The following CD46 variants were observed in gnomAD, a reference collection of about 807,000 sequenced individuals.
CD46 encodes the protein membrane cofactor protein.
In CD46, 30 loss-of-function variants were observed where a neutral mutation model predicts 53.3. The ratio of observed to expected loss-of-function variants is 0.56; its 90% confidence interval spans 0.42 to 0.76. The LOEUF is 0.76. Among genes scored for constraint, CD46 ranks in the 30% least tolerant of loss-of-function variants. CD46 has a pLI of 0.00. For synonymous variants in CD46, 142 were observed against 152.0 expected (o/e 0.93, Z 0.48); for missense variants, 409 against 463.0 (o/e 0.88, Z 1.07).
At chr1:207,767,949 T>G in intron 7 of CD46, 126 bp downstream of exon 7, 1 of 776,488 alleles carries the variant, frequency 1.3e-6, no homozygotes, top group South Asian at 1.5e-5. Context: ...AGGACATTTG[T>G]ATAGCCATTT....
chr1:207,766,923 G>A, intron 5 of CD46, 90 bp from the exon 6 acceptor site: 8 of 991,016 alleles, frequency 8.1e-6, no homozygotes, highest in Non-Finnish European at 1.3e-5. Context: ...TCCATTCCTT[G>A]TCTCTGTTCA....
chr1:207,793,905 G>T lies in CD46; in HGVS notation c.*428G>T. 2 of 287,646 alleles carry T rather than the reference G, an allele frequency of 7.0e-6. No homozygotes were observed. The highest frequency in any genetic ancestry group is 6.9e-5 in the East Asian group (1 of 14,572). 17.8% of individuals were successfully genotyped at this position (287,646 alleles called of 1,614,324 possible). A position where few individuals can be genotyped will look rare whatever the true frequency, so the allele number is the denominator to read the frequency against. On this transcript the variant is annotated 3_prime_UTR_variant, in exon 13 of 13. Transcript: ENST00000367042. Reference sequence around the variant, plus strand: ...AAATTAGAGAAATATAGTTCACAATGAAATTATATTTTCTTTGTAAAGAAA... The same window carrying T: ...AAATTAGAGAAATATAGTTCACAATTAAATTATATTTTCTTTGTAAAGAAA...
chr1:207,772,367 T>C (rs2796274), intron 8 of CD46, among the ~76,000 whole-genome samples: 92,979 of 151,998 alleles, frequency 0.61, 28,813 homozygotes, highest in East Asian at 0.91. Flanking sequence ...TTTGACTTCC[T>C]CTTTTCCTAA....
chr1:207,767,433 C>A, intron 6 of CD46: 1 of 715,160 alleles, frequency 1.4e-6, no homozygotes, highest in Non-Finnish European at 2.4e-6. Context: ...ATGTACATTG[C>A]ATGGGTATAT....
chr1:207,764,841 G>T (rs1167483911), intron 5 of CD46, among the ~76,000 whole-genome samples: 1 of 152,148 alleles, frequency 6.6e-6, no homozygotes, highest in East Asian at 1.9e-4. Flanking sequence ...GGTCCAGATG[G>T]CTTCACTGGG....
At chr1:207,780,950 GA>G (rs1658678431) in intron 8 of CD46, among the ~76,000 whole-genome samples, 1 of 151,650 alleles carries the variant, frequency 6.6e-6, no homozygotes, top group Non-Finnish European at 1.5e-5. Flanking sequence ...GTGAGAGAGA[GA>G]GTAAGAGGGA....
At chr1:207,762,285 G>A (rs1656304373) in intron 5 of CD46, among the ~76,000 whole-genome samples, 1 of 152,146 alleles carries the variant, frequency 6.6e-6, no homozygotes, top group African/African-American at 2.4e-5. Flanking sequence ...ACAGGGGAAT[G>A]TATAGCATAA....
At chr1:207,766,369 C>T (rs1415402945) in intron 5 of CD46, among the ~76,000 whole-genome samples, 3 of 151,966 alleles carry the variant, frequency 2.0e-5, no homozygotes, top group Admixed American at 2.0e-4. Flanking sequence ...GGTCAGTGAA[C>T]CTGAAGACAG....
chr1:207,761,585 G>C, intron 5 of CD46, 139 bp downstream of exon 5: 3 of 722,114 alleles, frequency 4.2e-6, no homozygotes, highest in Non-Finnish European at 7.1e-6. Context: ...TTTTAATTCA[G>C]GTCAATTCAA....
intron 8 of CD46, among the ~76,000 whole-genome samples, chr1:207,781,003 G>A (rs1658682875): frequency 6.6e-6 from 1 of 151,170 alleles, no homozygotes; most frequent in Non-Finnish European, 1.5e-5. Flanking sequence ...CTGCAATAAC[G>A]ACATTAGTCC....
intron 6 of CD46, chr1:207,767,576 G>A (rs777472257): frequency 1.9e-6 from 3 of 1,567,536 alleles, no homozygotes; most frequent in Non-Finnish European, 2.6e-6. Flanking sequence ...CTCCCAAGTG[G>A]TTGATCTTCT....
intron 11 of CD46, among the ~76,000 whole-genome samples, chr1:207,788,287 C>A (rs1189980670): frequency 6.7e-6 from 1 of 149,730 alleles, no homozygotes; most frequent in South Asian, 2.1e-4. Context: ...GAGGCCGAGG[C>A]GGGCAGATCA....
intron 8 of CD46, among the ~76,000 whole-genome samples, chr1:207,772,645 C>T (rs953248809): frequency 2.6e-5 from 4 of 152,196 alleles, no homozygotes; most frequent in East Asian, 1.9e-4. Context: ...TTTTCTGCAT[C>T]TATTGAAATA....
At chr1:207,790,194 C>A (rs964396657) in intron 11 of CD46, 59 bp from the exon 12 acceptor site, 2 of 846,442 alleles carry the variant, frequency 2.4e-6, no homozygotes, top group African/African-American at 1.7e-5. Flanking sequence ...TTATGCTACT[C>A]GTTTCTTTTT....
intron 5 of CD46, among the ~76,000 whole-genome samples, chr1:207,766,784 A>G (rs554155543): frequency 6.2e-4 from 94 of 152,318 alleles, no homozygotes; most frequent in African/African-American, 2.0e-3. Flanking sequence ...TTCTTAAGAA[A>G]ATGTGGTTAC....
chr1:207,757,392 G>A (rs1222997645), intron 2 of CD46, 148 bp from the exon 3 acceptor site: 1 of 775,116 alleles, frequency 1.3e-6, no homozygotes, highest in South Asian at 1.5e-5. Context: ...GATTGCCTGG[G>A]TGAATATGAA....
chr1:207,766,681 T>G lies in CD46; in HGVS notation c.674-332T>G, dbSNP rs41317813. ...GTTTGGTAAAAACTACCAAACAAAA[T>G]TTTAAAAAGCAGCCAGTGAGTGGGG... On this transcript the variant is annotated intron_variant, in intron 5 of 12. Coordinates refer to ENST00000367042, the MANE Select transcript of CD46 (RefSeq NM_172351.3). 3.4e-3 allele frequency among the ~76,000 whole-genome samples: 512 copies of G among 152,146 alleles called. 3 individuals are homozygous for G. Among genetic ancestry groups the G allele is most frequent in the African/African-American group, 0.012 (486 of 41,512 alleles).
At chr1:207,790,181 T>G in intron 11 of CD46, 72 bp from the exon 12 acceptor site, 1 of 810,330 alleles carries the variant, frequency 1.2e-6, no homozygotes, top group Non-Finnish European at 2.2e-6. Context: ...TTTATCCCAC[T>G]TGTTATGCTA....
At position 207,770,315 on chromosome 1, in the gene CD46, T is replaced by C; in HGVS notation, c.902-6T>C. 1.9e-6 allele frequency: 3 copies of C among 1,600,314 alleles called. No homozygotes were observed. The highest frequency in any genetic ancestry group is 2.2e-5 in the South Asian group (2 of 90,560). ...TGAATTTATAAAATCAAACTTATTT[T>C]TCTAGGTCCTAGGCCTACTTACAAG... On this transcript the variant is annotated splice_region_variant and splice_polypyrimidine_tract_variant and intron_variant, in intron 7 of 12. Transcript: ENST00000367042.
Sources: gnomAD v4.1 joint callset for allele counts (sites outside exome capture counted in the v4.1 genomes callset) on GRCh38, gnomAD v4.1.1 for gene constraint, MANE v1.5 for transcripts, NCBI Gene and HGNC (gene_info 2026-07-23, HGNC 2026-07-21) for gene names.